TSPAN11: variants seen among roughly 807,000 people sequenced by gnomAD.
TSPAN11 encodes the protein tetraspanin-11.
A neutral mutation model predicts 32.9 loss-of-function variants in TSPAN11; 29 were observed. That is an observed-to-expected ratio of 0.88 (90% CI 0.66 to 1.20). TSPAN11 has a LOEUF of 1.20. Among genes scored for constraint, TSPAN11 ranks in the 50% most tolerant of loss-of-function variants. TSPAN11 has a pLI of 0.00. For synonymous variants in TSPAN11, 140 were observed against 141.3 expected (o/e 0.99, Z 0.07); for missense variants, 283 against 329.1 (o/e 0.86, Z 1.08).
At position 30,982,878 on chromosome 12, in the gene TSPAN11, G is replaced by A. The variant is rs143522571; in HGVS notation, c.616-186G>A. Among the ~76,000 whole-genome samples the A allele has an allele frequency of 1.3e-3, 201 of 152,338 alleles. 1 individual carries two copies. Among genetic ancestry groups the A allele is most frequent in the African/African-American group, 4.5e-3 (189 of 41,576 alleles). Reference sequence around the variant, plus strand: ...AGCCCTGGGACAAGCAGCTCATACCGGAGAGTATAGGACACCATGGCATGC... The same window carrying A: ...AGCCCTGGGACAAGCAGCTCATACCAGAGAGTATAGGACACCATGGCATGC... On this transcript the variant is annotated intron_variant, in intron 6 of 7. Transcript: ENST00000546076.
chr12:30,984,420 G>T (rs1255650791), intron 7 of TSPAN11, among the ~76,000 whole-genome samples: 1 of 152,204 alleles, frequency 6.6e-6, no homozygotes, highest in East Asian at 1.9e-4. Flanking sequence ...ACATAGGAAG[G>T]CCTCCAGAAT....
chr12:30,983,414 G>A (rs1410269351), intron 7 of TSPAN11, among the ~76,000 whole-genome samples: 1 of 152,188 alleles, frequency 6.6e-6, no homozygotes, highest in Non-Finnish European at 1.5e-5. Context: ...GTGAGTGTGG[G>A]CTCAGGTATG....
the TSPAN11 span, among the ~76,000 whole-genome samples, chr12:31,010,993 A>G: frequency 1.3e-5 from 2 of 152,214 alleles, no homozygotes; most frequent in Admixed American, 1.3e-4. Flanking sequence ...AACAAAGTTC[A>G]ATGAACAGAA....
At chr12:30,984,632 C>T (rs538507974) in intron 7 of TSPAN11, among the ~76,000 whole-genome samples, 1 of 144,432 alleles carries the variant, frequency 6.9e-6, no homozygotes, top group Non-Finnish European at 1.5e-5. Context: ...CACCTCAGCT[C>T]ACTGCAACCT....
chr12:30,992,018 T>G lies in TSPAN11; in HGVS notation c.*103T>G, dbSNP rs547562473. 112 of 1,297,456 alleles carry G rather than the reference T, an allele frequency of 8.6e-5. No homozygotes were observed. Among genetic ancestry groups the G allele is most frequent in the Non-Finnish European group, 8.5e-5 (76 of 899,240 alleles). 80.4% of individuals were successfully genotyped at this position (1,297,456 alleles called of 1,614,324 possible). A position where few individuals can be genotyped will look rare whatever the true frequency, so the allele number is the denominator to read the frequency against. ...GCACCAGCTCCACTAGGGCCATAGATGCCCCCTCCTTTGTGCCTAGCTCCT... is the reference window on the plus strand; with the variant it reads ...GCACCAGCTCCACTAGGGCCATAGAGGCCCCCTCCTTTGTGCCTAGCTCCT... On this transcript the variant is annotated 3_prime_UTR_variant, in exon 8 of 8. Transcript: ENST00000546076.
intron 1 of TSPAN11, among the ~76,000 whole-genome samples, chr12:30,940,298 A>G (rs7134598): frequency 0.69 from 104,317 of 152,132 alleles, 36,033 homozygotes; most frequent in East Asian, 0.89. Flanking sequence ...TGGCTCCTTA[A>G]TGCATTCCTT....
intron 1 of TSPAN11, among the ~76,000 whole-genome samples, chr12:30,933,937 C>G (rs1361331195): frequency 2.0e-5 from 3 of 152,186 alleles, no homozygotes; most frequent in African/African-American, 7.2e-5. Context: ...CACACCTACA[C>G]ACAGCAGTGA....
At chr12:30,933,240 AG>A (rs1303641738) in intron 1 of TSPAN11, among the ~76,000 whole-genome samples, 1 of 152,196 alleles carries the variant, frequency 6.6e-6, no homozygotes, top group Non-Finnish European at 1.5e-5. Flanking sequence ...AACTGGGCAG[AG>A]GAGGACACTG....
chr12:30,981,693 C>G (rs996456016), intron 5 of TSPAN11, among the ~76,000 whole-genome samples: 1 of 152,200 alleles, frequency 6.6e-6, no homozygotes, highest in Non-Finnish European at 1.5e-5. Flanking sequence ...TCTTCTACCA[C>G]GCGACAGTGG....
chr12:30,968,366 C>G (rs1938781302), intron 3 of TSPAN11, among the ~76,000 whole-genome samples: 1 of 152,264 alleles, frequency 6.6e-6, no homozygotes, highest in South Asian at 2.1e-4. Context: ...TTCCTCCTAG[C>G]TCATCTGCAG....
chr12:30,982,478 G>T (rs1311315140), intron 5 of TSPAN11, 54 bp from the exon 6 acceptor site: 1 of 1,570,710 alleles, frequency 6.4e-7, no homozygotes, highest in Non-Finnish European at 8.7e-7. Context: ...CCTGCAGCCT[G>T]GGACCCTACG....
chr12:31,006,181 C>G, the TSPAN11 span, among the ~76,000 whole-genome samples: 2 of 152,174 alleles, frequency 1.3e-5, no homozygotes, highest in Admixed American at 6.5e-5. Context: ...GTCTCAGTGG[C>G]CATGGCCAAG....
intron 3 of TSPAN11, among the ~76,000 whole-genome samples, chr12:30,972,475 A>G (rs1938870904): frequency 6.6e-6 from 1 of 152,098 alleles, no homozygotes; most frequent in Non-Finnish European, 1.5e-5. Context: ...GTGGCTGAGC[A>G]GCCAATAAGT....
At position 30,975,835 on chromosome 12, in the gene TSPAN11, G is replaced by C. The variant is rs1565800856; in HGVS notation, c.277-2726G>C. Among the ~76,000 whole-genome samples, 1 of 152,178 alleles carries C rather than the reference G, an allele frequency of 6.6e-6. No homozygotes were observed. The highest frequency in any genetic ancestry group is 1.5e-5 in the Non-Finnish European group (1 of 68,028). ...AGCTGCCAGCAGCCTGGGTGCTCCT[G>C]TCAGGGGCACTCCATCACCTCTTCC... On this transcript the variant is annotated intron_variant, in intron 3 of 7. Coordinates refer to ENST00000546076, the MANE Select transcript of TSPAN11 (RefSeq NM_001370302.1). This position sits in a 1 kb window ranked among gnomAD's most constrained non-coding sequence, Gnocchi z 4.5.
chr12:30,985,776 C>T (rs540997661), intron 7 of TSPAN11, among the ~76,000 whole-genome samples: 6 of 152,370 alleles, frequency 3.9e-5, no homozygotes, highest in Admixed American at 6.5e-5. Context: ...CCAGAGCCGA[C>T]GGTCAAGGTA....
chr12:30,999,870 G>A (rs1310564150), downstream of TSPAN11, among the ~76,000 whole-genome samples: 5 of 152,032 alleles, frequency 3.3e-5, no homozygotes, highest in Admixed American at 3.3e-4. Flanking sequence ...TCCTCTCACA[G>A]GGCCAAGGGA....
downstream of TSPAN11, chr12:30,998,888 C>T (rs1163340720): frequency 2.6e-5 from 4 of 152,108 alleles, no homozygotes; most frequent in Admixed American, 6.5e-5. Context: ...CCAAGTTGCC[C>T]GTTGGTAAAT....
chr12:30,954,146 T>C, intron 2 of TSPAN11, 71 bp downstream of exon 2: 1 of 1,121,404 alleles, frequency 8.9e-7, no homozygotes, highest in South Asian at 1.3e-5. Context: ...TGTTTTTTTG[T>C]GTCACCACTT....
chr12:30,944,143 AC>A (rs1938220908), intron 1 of TSPAN11, among the ~76,000 whole-genome samples: 2 of 152,236 alleles, frequency 1.3e-5, no homozygotes, highest in South Asian at 4.1e-4. Context: ...GTATGTATTT[AC>A]CATGTACAAC....
Sources: allele counts gnomAD v4.1 joint callset (sites outside exome capture counted in the v4.1 genomes callset), GRCh38; gene constraint gnomAD v4.1.1; non-coding constraint Gnocchi (gnomAD v3.1); transcripts MANE v1.5; gene names NCBI Gene and HGNC (gene_info 2026-07-23, HGNC 2026-07-21).